LRRC74A: variants seen among roughly 807,000 people sequenced by gnomAD.
LRRC74A encodes the protein leucine rich repeat containing 74A, also known as leucine-rich repeat-containing protein 74A.
A neutral mutation model predicts 57.9 loss-of-function variants in LRRC74A; 44 were observed. The ratio of observed to expected loss-of-function variants is 0.76; its 90% confidence interval spans 0.60 to 0.98. The LOEUF is 0.98. Ranked by LOEUF, LRRC74A falls within the 50% of genes least tolerant of loss-of-function variation. LRRC74A has a pLI of 0.00. For missense variants in LRRC74A, 572 were observed against 574.0 expected (o/e 1.00, Z 0.04); for synonymous variants, 211 against 219.4 (o/e 0.96, Z 0.34).
chr14:76,857,447 A>G lies in LRRC74A; in HGVS notation c.1025A>G (p.Lys342Arg), dbSNP rs753987105. 4 of 1,585,000 alleles carry G rather than the reference A, an allele frequency of 2.5e-6. No individual in the cohort carries two copies. The highest frequency in any genetic ancestry group is 1.7e-4 in the Middle Eastern group (1 of 6,022). Residue 342 changes from lysine to arginine, a missense_variant, in exon 10 of 14, where the codon AAA becomes AGA. Physicochemically the swap from Lys to Arg is conservative, Grantham distance 26. Coordinates refer to ENST00000689127, the MANE Select transcript of LRRC74A (RefSeq NM_001385106.1). ...LLILAIKRNP[K>R]SRMEELDISN... is the part of the protein sequence containing the mutation. ...ATCCTGGCTATCAAGAGGAACCCCA[A>G]ATCCAGGATGGAAGAGCTTGATATT... is the stretch of plus-strand genomic sequence containing the variant.
chr14:76,842,364 C>A (rs930302948), intron 5 of LRRC74A, among the ~76,000 whole-genome samples: 5 of 152,096 alleles, frequency 3.3e-5, no homozygotes, highest in Non-Finnish European at 7.4e-5. Flanking sequence ...GGCTAAGACC[C>A]CTAACATAAT....
intron 2 of LRRC74A, among the ~76,000 whole-genome samples, chr14:76,830,529 G>A (rs1048201491): frequency 6.6e-6 from 1 of 152,242 alleles, no homozygotes; most frequent in African/African-American, 2.4e-5. Context: ...GGCTAGGTTT[G>A]TCGTCAATAA....
At chr14:76,856,815 GATGC>G (rs1265686969) in intron 9 of LRRC74A, among the ~76,000 whole-genome samples, 3 of 148,394 alleles carry the variant, frequency 2.0e-5, no homozygotes, top group Non-Finnish European at 4.5e-5. Flanking sequence ...TGGATGGATG[GATGC>G]ATGGATGGAT....
intron 5 of LRRC74A, among the ~76,000 whole-genome samples, chr14:76,841,513 G>T (rs1260404201): frequency 6.6e-6 from 1 of 151,492 alleles, no homozygotes; most frequent in Non-Finnish European, 1.5e-5. Flanking sequence ...TTCTCCTCCA[G>T]GTGAATTTTA....
intron 7 of LRRC74A, among the ~76,000 whole-genome samples, chr14:76,851,069 T>C (rs1457315725): frequency 5.3e-5 from 8 of 152,216 alleles, no homozygotes; most frequent in African/African-American, 1.4e-4. Flanking sequence ...CTGTGGAACA[T>C]GTAAGCAAAA....
intron 7 of LRRC74A, among the ~76,000 whole-genome samples, chr14:76,848,025 T>G (rs1325119711): frequency 6.6e-6 from 1 of 151,448 alleles, no homozygotes; most frequent in Non-Finnish European, 1.5e-5. Context: ...AATACAAACA[T>G]TAGCCGGTGT....
chr14:76,831,123 G>A, intron 2 of LRRC74A, 80 bp from the exon 3 acceptor site: 1 of 1,406,702 alleles, frequency 7.1e-7, no homozygotes. Flanking sequence ...GTCTAGACAT[G>A]AGTGAATGTC....
chr14:76,836,558 G>A (rs1896357495), intron 4 of LRRC74A, among the ~76,000 whole-genome samples: 1 of 152,234 alleles, frequency 6.6e-6, no homozygotes, highest in Admixed American at 6.5e-5. Context: ...CCAGCACTTT[G>A]GGAGGCCGAG....
chr14:76,831,826 A>G (rs1895997779), intron 3 of LRRC74A, among the ~76,000 whole-genome samples: 1 of 152,172 alleles, frequency 6.6e-6, no homozygotes, highest in Admixed American at 6.5e-5. Flanking sequence ...CATAAAGACC[A>G]CGGTGTAGAG....
At position 76,828,973 on chromosome 14, in the gene LRRC74A, C is replaced by T. The variant is rs1796228977; in HGVS notation, c.166+554C>T. The T allele has an allele frequency of 1.0e-5, 13 of 1,280,696 alleles. No homozygotes were observed. In the South Asian group the frequency reaches 1.6e-4, roughly 16 times the overall value. The allele number at this position is 1,280,696 out of a possible 1,614,324, so 79.3% of individuals were successfully genotyped here. A position where few individuals can be genotyped will look rare whatever the true frequency, so the allele number is the denominator to read the frequency against. ...TGACTTTCCCACACTCACCTTAGAG[C>T]TCTGGTTTCCCCTACTTTTCTTGAT... On this transcript the variant is annotated intron_variant, in intron 2 of 13. Coordinates refer to ENST00000689127, the MANE Select transcript of LRRC74A (RefSeq NM_001385106.1).
intron 12 of LRRC74A, among the ~76,000 whole-genome samples, chr14:76,866,336 C>G (rs1026660336): frequency 1.3e-5 from 2 of 152,174 alleles, no homozygotes; most frequent in Non-Finnish European, 1.5e-5. Context: ...GACACATGTT[C>G]TATCTTGAGG....
intron 9 of LRRC74A, among the ~76,000 whole-genome samples, chr14:76,855,691 G>A (rs1321403982): frequency 3.3e-5 from 5 of 152,118 alleles, no homozygotes; most frequent in African/African-American, 1.2e-4. Flanking sequence ...TGAGCTCCAC[G>A]AGGTCCAGGC....
rs59726536 is a variant in LRRC74A, at chr14:76,856,792, GTGGA to G, written c.958-565_958-562del. On this transcript the variant is annotated intron_variant, in intron 9 of 13. Transcript: ENST00000689127. ...GATGAGCAGTGAGATGGATAAGTGA[GTGGA>G]TGGATGGATGGATGGATGGATGCAT... is the stretch of plus-strand genomic sequence containing the variant. 4.1e-3 allele frequency among the ~76,000 whole-genome samples: 528 copies of G among 129,772 alleles called. 14 individuals are homozygous for G. The highest frequency in any genetic ancestry group is 5.0e-3 in the Middle Eastern group (1 of 202). 85.1% of individuals were successfully genotyped at this position (129,772 alleles called of 152,430 possible). A position where few individuals can be genotyped will look rare whatever the true frequency, so the allele number is the denominator to read the frequency against.
At position 76,826,521 on chromosome 14, in the gene LRRC74A, C is replaced by CT. The variant is rs1895582792; in HGVS notation, c.-176dup. 2 of 1,605,916 alleles carry CT rather than the reference C, an allele frequency of 1.2e-6. No homozygotes were observed. The highest frequency in any genetic ancestry group is 2.2e-5 in the South Asian group (2 of 88,934). The stretch of plus-strand genomic sequence containing the variant: ...ATGCACATCCAATTCCCATCAAAGC[C>CT]TACTCTTCCCAGGGCTTGCTGGGAG... On this transcript the variant is annotated 5_prime_UTR_variant, in exon 1 of 14. An upstream open reading frame in the 5' UTR loses its in-frame stop. Transcript: ENST00000689127.
intron 5 of LRRC74A, among the ~76,000 whole-genome samples, chr14:76,842,758 G>A (rs1896861314): frequency 6.6e-6 from 1 of 152,124 alleles, no homozygotes; most frequent in African/African-American, 2.4e-5. Context: ...AGGGTTCAAA[G>A]GAGGAAATTT....
At chr14:76,837,854 A>C (rs1441364030) in intron 4 of LRRC74A, 21 bp from the exon 5 acceptor site, 1 of 1,466,148 alleles carries the variant, frequency 6.8e-7, no homozygotes, top group Non-Finnish European at 9.4e-7. Context: ...TTACATACCG[A>C]AGTGTTTTCT....
chr14:76,828,537 GA>G, intron 2 of LRRC74A, 118 bp downstream of exon 2: 5 of 1,492,280 alleles, frequency 3.4e-6, no homozygotes, highest in Non-Finnish European at 4.6e-6. Context: ...ATGGCCTGTG[GA>G]GGAAATGTGG....
chr14:76,838,066 T>C lies in LRRC74A; in HGVS notation c.544+95T>C, dbSNP rs974056811. The C allele has an allele frequency of 6.1e-6, 5 of 823,264 alleles. No individual in the cohort carries two copies. The African/African-American group carries it at 8.6e-5, about 14-fold the overall frequency. 51.0% of individuals were successfully genotyped at this position (823,264 alleles called of 1,614,324 possible). A position where few individuals can be genotyped will look rare whatever the true frequency, so the allele number is the denominator to read the frequency against. On this transcript the variant is annotated intron_variant, in intron 5 of 13. Coordinates refer to ENST00000689127, the MANE Select transcript of LRRC74A (RefSeq NM_001385106.1). ...TTCAATGTCTCATTGAACCAGACCATGTCCTTCTAGTCTTGGAGACCAGAA... is the reference window on the plus strand; with the variant it reads ...TTCAATGTCTCATTGAACCAGACCACGTCCTTCTAGTCTTGGAGACCAGAA...
At chr14:76,849,299 G>A (rs993574534) in intron 7 of LRRC74A, among the ~76,000 whole-genome samples, 2 of 151,792 alleles carry the variant, frequency 1.3e-5, no homozygotes, top group East Asian at 2.0e-4. Flanking sequence ...GGGATTATAC[G>A]CCCAAGCCAT....
Sources: gnomAD v4.1 joint callset for allele counts (sites outside exome capture counted in the v4.1 genomes callset) on GRCh38, gnomAD v4.1.1 for gene constraint, MANE v1.5 for transcripts, NCBI Gene and HGNC (gene_info 2026-07-23, HGNC 2026-07-21) for gene names.